SMARCAD1: variants seen among roughly 807,000 people sequenced by gnomAD.
SMARCAD1 encodes the protein SWI/SNF-related matrix-associated actin-dependent regulator of chromatin subfamily A containing DEAD/H box 1.
SMARCAD1 carries 25 observed loss-of-function variants against 127.1 expected under a neutral mutation model. The observed-to-expected ratio is 0.20, with a 90% CI of 0.14 to 0.27. SMARCAD1 has a LOEUF of 0.27. SMARCAD1 is among the 10% of genes least tolerant of loss of function. SMARCAD1 has a pLI of 1.00. For synonymous variants in SMARCAD1, 400 were observed against 396.9 expected, an observed-to-expected ratio of 1.01 and a Z score of -0.09; for missense variants, 807 against 1,206.0, an observed-to-expected ratio of 0.67 and a Z score of 4.90.
At chr4:94,244,522 A>G (rs1748107075) in intron 6 of SMARCAD1, among the ~76,000 whole-genome samples, 2 of 152,216 alleles carry the variant, frequency 1.3e-5, no homozygotes, top group Non-Finnish European at 2.9e-5. Context: ...TCTAGGATTT[A>G]AGGCTCCTAA....
At chr4:94,235,414 A>G (rs2865345) in intron 4 of SMARCAD1, among the ~76,000 whole-genome samples, 86,732 of 151,516 alleles carry the variant, frequency 0.57, 25,010 homozygotes, top group East Asian at 0.72. Context: ...TAAACATGCT[A>G]TTCAAGCCAA....
In SMARCAD1 at chr4:94,223,734, ATTTTTTTT is replaced by A. The variant is rs944591007; in HGVS notation, c.191-2366_191-2359del. 7.0e-5 allele frequency among the ~76,000 whole-genome samples: 7 copies of A among 100,170 alleles called. No homozygotes were observed. The East Asian group carries it at 2.5e-3, about 35-fold the overall frequency. 65.7% of individuals were successfully genotyped at this position (100,170 alleles called of 152,430 possible). A position where few individuals can be genotyped will look rare whatever the true frequency, so the allele number is the denominator to read the frequency against. On this transcript the variant is annotated intron_variant, in intron 2 of 23. Coordinates refer to ENST00000354268, the MANE Select transcript of SMARCAD1 (RefSeq NM_020159.5). ...TGGCGTGCACCACCACTCCCGGCTA[ATTTTTTTT>A]TTTTTTTTTTTTTTTTTTAAAGTAG...
In SMARCAD1 at chr4:94,276,429, G is replaced by A. The variant is rs771859487; in HGVS notation, c.1899G>A (p.Leu633=). The part of the protein sequence containing the change: ...NYAIFDEGHM[L]KNMGSIRYQH... ...CAATTTTTGATGAGGGCCATATGCT[G>A]AAGAATATGGGCTCCATTCGCTACC... The change falls in exon 15 of 24, where the codon CTG becomes CTA. Residue 633 remains leucine, a synonymous_variant. Coordinates refer to ENST00000354268, the MANE Select transcript of SMARCAD1 (RefSeq NM_020159.5). 1.2e-6 allele frequency: 2 copies of A among 1,614,066 alleles called. No homozygotes were observed. Among genetic ancestry groups the A allele is most frequent in the Non-Finnish European group, 1.7e-6 (2 of 1,179,978 alleles).
intron 6 of SMARCAD1, among the ~76,000 whole-genome samples, chr4:94,246,701 A>G (rs545764107): frequency 2.6e-4 from 39 of 152,294 alleles, no homozygotes; most frequent in Admixed American, 2.4e-3. Flanking sequence ...TACCTGTATC[A>G]AGTCCAGTCA....
chr4:94,224,829 G>T (rs536739422), intron 2 of SMARCAD1, among the ~76,000 whole-genome samples: 1 of 152,256 alleles, frequency 6.6e-6, no homozygotes, highest in African/African-American at 2.4e-5. Context: ...GGGGATATGT[G>T]TCCCTCATGA....
rs1316462681 is a variant in SMARCAD1 at position 94,289,811 on chromosome 4, T to A, written c.*277T>A. The A allele has an allele frequency of 3.7e-6, 2 of 543,922 alleles. No individual in the cohort carries two copies. Among genetic ancestry groups the A allele is most frequent in the Non-Finnish European group, 3.5e-6 (1 of 285,520 alleles). 33.7% of individuals were successfully genotyped at this position (543,922 alleles called of 1,614,324 possible). A position where few individuals can be genotyped will look rare whatever the true frequency, so the allele number is the denominator to read the frequency against. On this transcript the variant is annotated 3_prime_UTR_variant, in exon 24 of 24. Transcript: ENST00000354268. ...CTGAATGGGGATTAGTTGGTGATTG[T>A]TTGTAACAAATATGCTAATGCTTTA... is the stretch of plus-strand genomic sequence containing the variant.
chr4:94,229,662 T>A (rs1363781597), intron 3 of SMARCAD1, among the ~76,000 whole-genome samples: 1 of 152,094 alleles, frequency 6.6e-6, no homozygotes. Flanking sequence ...ATATAGAAAC[T>A]TCTTCTGTGT....
intron 2 of SMARCAD1, among the ~76,000 whole-genome samples, chr4:94,210,688 C>G (rs2125781702): frequency 6.6e-6 from 1 of 152,056 alleles, no homozygotes; most frequent in Non-Finnish European, 1.5e-5. Flanking sequence ...GCCTGTAATC[C>G]CAGCACTTTG....
intron 2 of SMARCAD1, among the ~76,000 whole-genome samples, 182 bp from the exon 3 acceptor site, chr4:94,225,937 A>G (rs2125833264): frequency 6.6e-6 from 1 of 152,352 alleles, no homozygotes; most frequent in Middle Eastern, 3.4e-3. Context: ...AACCTGTGAA[A>G]CAGAAAATGT....
intron 2 of SMARCAD1, among the ~76,000 whole-genome samples, chr4:94,221,107 C>T (rs933687658): frequency 6.6e-6 from 1 of 152,148 alleles, no homozygotes; most frequent in African/African-American, 2.4e-5. Context: ...TGATAAAACC[C>T]CAGTTTTCAA....
rs141149808 is a variant in SMARCAD1 at position 94,279,171 on chromosome 4, T to C, written c.2418+121T>C. On this transcript the variant is annotated intron_variant, in intron 19 of 23. Transcript: ENST00000354268. The stretch of plus-strand genomic sequence containing the variant: ...AACTACATATTTAAGAAAAACTTTT[T>C]TTTTTCAGACCAGGTCTGGTTCTGT... The C allele has an allele frequency of 9.9e-6, 13 of 1,312,758 alleles. No individual in the cohort carries two copies. In the East Asian group the frequency reaches 3.3e-4, roughly 33 times the overall value. 81.3% of individuals were successfully genotyped at this position (1,312,758 alleles called of 1,614,324 possible).
chr4:94,271,980 CCA>C (rs1431547704), intron 11 of SMARCAD1, among the ~76,000 whole-genome samples: 1 of 152,192 alleles, frequency 6.6e-6, no homozygotes, highest in African/African-American at 2.4e-5. Flanking sequence ...ATACCACAGA[CCA>C]AGTGGCTTAA....
At chr4:94,214,685 A>G (rs778388521) in intron 2 of SMARCAD1, among the ~76,000 whole-genome samples, 3 of 152,222 alleles carry the variant, frequency 2.0e-5, no homozygotes, top group Non-Finnish European at 2.9e-5. Context: ...TTAACTGTGC[A>G]AAAGAATAAA....
intron 6 of SMARCAD1, among the ~76,000 whole-genome samples, chr4:94,242,809 C>T (rs1258462939): frequency 6.6e-6 from 1 of 151,844 alleles, no homozygotes; most frequent in African/African-American, 2.4e-5. Context: ...CTCAGCTACC[C>T]GGAGGCTAAG....
intron 21 of SMARCAD1, 75 bp downstream of exon 21, chr4:94,281,665 A>G: frequency 1.0e-6 from 1 of 962,504 alleles, no homozygotes; most frequent in Non-Finnish European, 1.7e-6. Flanking sequence ...TGTCTAACAA[A>G]CAATTGATAG....
intron 4 of SMARCAD1, among the ~76,000 whole-genome samples, chr4:94,235,484 A>G (rs926403554): frequency 6.7e-6 from 1 of 149,508 alleles, no homozygotes; most frequent in Non-Finnish European, 1.5e-5. Context: ...TGTAGATTAC[A>G]TTATTTTTAA....
At chr4:94,287,659 G>A (rs778628187) in intron 23 of SMARCAD1, among the ~76,000 whole-genome samples, 4 of 152,110 alleles carry the variant, frequency 2.6e-5, no homozygotes, top group Non-Finnish European at 2.9e-5. Flanking sequence ...GGCTATTGAA[G>A]TGATTCTGAT....
chr4:94,290,054 A>G lies in SMARCAD1; in HGVS notation c.*520A>G, dbSNP rs781625529. The G allele has an allele frequency of 4.4e-6, 2 of 454,374 alleles. No homozygotes were observed. Among genetic ancestry groups the G allele is most frequent in the Non-Finnish European group, 8.8e-6 (2 of 226,778 alleles). 28.1% of individuals were successfully genotyped at this position (454,374 alleles called of 1,614,324 possible). On this transcript the variant is annotated 3_prime_UTR_variant, in exon 24 of 24. Transcript: ENST00000354268. Reference sequence around the variant, plus strand: ...TTGCTATTTGAAGCAGATGTTCACCAATGTCAGCAAGAACTCAACCTGAAT... The same window carrying G: ...TTGCTATTTGAAGCAGATGTTCACCGATGTCAGCAAGAACTCAACCTGAAT...
chr4:94,244,807 C>G (rs1748168962), intron 6 of SMARCAD1, among the ~76,000 whole-genome samples: 1 of 151,968 alleles, frequency 6.6e-6, no homozygotes, highest in Non-Finnish European at 1.5e-5. Context: ...ATCAAGCTCT[C>G]TCTCTACAAA....
Sources: allele counts gnomAD v4.1 joint callset (sites outside exome capture counted in the v4.1 genomes callset), GRCh38; gene constraint gnomAD v4.1.1; transcripts MANE v1.5; gene names NCBI Gene and HGNC (gene_info 2026-07-23, HGNC 2026-07-21).